The following MGAT4B variants were observed in gnomAD, a reference collection of about 807,000 sequenced individuals.
The protein encoded by MGAT4B is alpha-1,3-mannosyl-glycoprotein 4-beta-N-acetylglucosaminyltransferase B.
A neutral mutation model predicts 73.9 loss-of-function variants in MGAT4B; 38 were observed. The ratio of observed to expected loss-of-function variants is 0.51; its 90% CI spans 0.40 to 0.67. The LOEUF is 0.67. Among genes scored for constraint, MGAT4B ranks in the 30% least tolerant of loss-of-function variants. The probability of loss-of-function intolerance (pLI) is 0.00; values close to 1 mark genes in which losing one functional copy is unlikely to be tolerated. For synonymous variants in MGAT4B, 373 were observed against 313.5 expected (o/e 1.19, Z -2.01); for missense variants, 686 against 735.2 (o/e 0.93, Z 0.77).
rs1267791030 is a variant in MGAT4B, at chr5:179,801,684, T to G, written c.294A>C (p.Arg98=). 1 of 1,608,718 alleles carries G rather than the reference T, an allele frequency of 6.2e-7. No homozygotes were observed. Among genetic ancestry groups the G allele is most frequent in the African/African-American group, 1.3e-5 (1 of 75,024 alleles). ...GGTGTGAGCCGTTCCACGGCTTCAA[T>G]CGGGGGTCCTCTGGGTGGGTCGGGA... ...RTWGRLTEDP[R]LKPWNGSHRH... is the part of the protein sequence containing the mutation. Residue 98 remains arginine, a synonymous_variant, in exon 3 of 15, where the codon CGA becomes CGC. Coordinates refer to ENST00000292591, the MANE Select transcript of MGAT4B (RefSeq NM_014275.5). This position sits in a 1 kb window ranked among gnomAD's most constrained non-coding sequence, Gnocchi z 4.8.
At position 179,801,398 on chromosome 5, in the gene MGAT4B, G is replaced by T; in HGVS notation, c.494C>A (p.Ser165Ter). 6.2e-7 allele frequency: 1 copy of T among 1,612,740 alleles called. No homozygotes were observed. Among genetic ancestry groups the T allele is most frequent in the Non-Finnish European group, 8.5e-7 (1 of 1,179,564 alleles). ...VHSYLTDTLH[S>*]LISELSPQEK... ...CTGCGGGCTCAGCTCGGAGATGAGC[G>T]AGTGCAGAGTGTCAGTCAGGTACGA... The change falls in exon 4 of 15, where the codon TCG becomes TAG. Residue 165 changes from serine to a stop codon, truncating the protein, a stop_gained. Coordinates refer to ENST00000292591, the MANE Select transcript of MGAT4B (RefSeq NM_014275.5). LOFTEE classifies it high-confidence loss of function. This position sits in a 1 kb window ranked among gnomAD's most constrained non-coding sequence, Gnocchi z 4.8.
In MGAT4B at chr5:179,798,499, C is replaced by T; in HGVS notation, c.1422+14G>A. On this transcript the variant is annotated intron_variant, in intron 12 of 14. Transcript: ENST00000292591. The stretch of plus-strand genomic sequence containing the variant: ...AGGCCCGGCTTCAGTGCACACCACA[C>T]CCACCGAACTTACGTCGAAGGGCAG... 1 of 1,613,478 alleles carries T rather than the reference C, an allele frequency of 6.2e-7. No homozygotes were observed. The highest frequency in any genetic ancestry group is 8.5e-7 in the Non-Finnish European group (1 of 1,179,988).
In MGAT4B at chr5:179,806,529, A is replaced by G; in HGVS notation, c.55T>C (p.Phe19Leu). 7.5e-7 allele frequency: 1 copy of G among 1,335,134 alleles called. No individual in the cohort carries two copies. The allele number at this position is 1,335,134 out of a possible 1,614,324, so 82.7% of individuals were successfully genotyped here. ...GCCGCGTACCAGGACAGCGAGAGGAAGGCGCACAGGCAGAAGAGCAGCAGC... is the reference window on the plus strand; with the variant it reads ...GCCGCGTACCAGGACAGCGAGAGGAGGGCGCACAGGCAGAAGAGCAGCAGC... The part of the protein sequence containing the change: ...LTLLLFCLCA[F>L]LSLSWYAALS... Residue 19 changes from phenylalanine to leucine, a missense_variant, in exon 1 of 15, where the codon TTC (phenylalanine) becomes CTC (leucine). Physicochemically the swap from Phe to Leu is conservative, Grantham distance 22 (BLOSUM62 0). Transcript: ENST00000292591. The surrounding 1 kb of genome is among the most constrained non-coding windows in gnomAD (Gnocchi z 4.6).
chr5:179,805,628 CTG>C (rs1255945958), intron 1 of MGAT4B, among the ~76,000 whole-genome samples: 2 of 152,266 alleles, frequency 1.3e-5, no homozygotes, highest in Non-Finnish European at 2.9e-5. Flanking sequence ...CGCAGCCTCT[CTG>C]GGATGGCGCT....
intron 12 of MGAT4B, 30 bp from the exon 13 acceptor site, chr5:179,798,464 T>G (rs1581969681): frequency 6.2e-7 from 1 of 1,612,864 alleles, no homozygotes; most frequent in Non-Finnish European, 8.5e-7. Context: ...CTGAGGCAGG[T>G]GGTCACAGGA....
At chr5:179,802,447 T>TA (rs1756986755) in intron 1 of MGAT4B, 1 of 1,065,948 alleles carries the variant, frequency 9.4e-7, no homozygotes, top group Non-Finnish European at 1.1e-6. Context: ...ACTGGATTCT[T>TA]AGCCTCACGA....
chr5:179,803,214 A>G (rs1757019314), intron 1 of MGAT4B: 1 of 985,276 alleles, frequency 1.0e-6, no homozygotes, highest in Non-Finnish European at 1.2e-6. Context: ...CTCTTACCCA[A>G]GAAGCCAGCC....
intron 8 of MGAT4B, 100 bp downstream of exon 8, chr5:179,799,853 CA>C: frequency 7.6e-7 from 1 of 1,323,132 alleles, no homozygotes; most frequent in Non-Finnish European, 1.1e-6. Context: ...AGGCAGGGCC[CA>C]CCTGGGCAAA....
At chr5:179,800,882 G>GCT in intron 5 of MGAT4B, 25 bp downstream of exon 5, 1 of 1,612,110 alleles carries the variant, frequency 6.2e-7, no homozygotes, top group East Asian at 2.2e-5. Context: ...CCCGCCACCA[G>GCT]CTCTCTGGGG....
chr5:179,800,669 G>T, intron 5 of MGAT4B, 72 bp from the exon 6 acceptor site: 1 of 1,216,876 alleles, frequency 8.2e-7, no homozygotes, highest in Non-Finnish European at 1.2e-6. Context: ...CCAGACTGTG[G>T]CCCTTTCTTG....
Position 179,798,206 on chromosome 5 carries a change from A to T in MGAT4B, c.1582T>A (p.Ser528Thr). 1 of 1,601,536 alleles carries T rather than the reference A, an allele frequency of 6.2e-7. No individual in the cohort carries two copies. Among genetic ancestry groups the T allele is most frequent in the Non-Finnish European group, 8.5e-7 (1 of 1,173,000 alleles). ...AFGPLEALRL[S>T]IQTDSPVWVI... is the part of the protein sequence containing the mutation. Reference sequence around the variant, plus strand: ...CACACAGGGGAGTCCGTCTGGATCGAGAGGCGCAGTGCTTCCAGAGGGCCG... The same window carrying T: ...CACACAGGGGAGTCCGTCTGGATCGTGAGGCGCAGTGCTTCCAGAGGGCCG... The change falls in exon 14 of 15, where the codon TCG becomes ACG. Residue 528 changes from serine (S) to threonine (T), a missense_variant. Around this residue, in one of 2 missense-constraint regions of MGAT4B, gnomAD observed 449 missense variants for 536.8 expected, o/e 0.84. Coordinates refer to ENST00000292591, the MANE Select transcript of MGAT4B (RefSeq NM_014275.5).
At position 179,805,833 on chromosome 5, in the gene MGAT4B, G is replaced by C. The variant is rs563250315; in HGVS notation, c.97+654C>G. On this transcript the variant is annotated intron_variant, in intron 1 of 14. Coordinates refer to ENST00000292591, the MANE Select transcript of MGAT4B (RefSeq NM_014275.5). ...CCAAGACCGGCCAGCGGGGCGGCGC[G>C]GGGGGATCGGCCCGCACCCTCCGCC... Among the ~76,000 whole-genome samples the C allele has an allele frequency of 2.6e-4, 39 of 152,312 alleles. No individual in the cohort carries two copies. The South Asian group carries it at 7.5e-3, about 29-fold the overall frequency.
At chr5:179,805,420 T>G (rs1218645649) in intron 1 of MGAT4B, 1 of 152,544 alleles carries the variant, frequency 6.6e-6, no homozygotes, top group Admixed American at 6.5e-5. Context: ...GCACGGCCTC[T>G]GCCCAGCCAT....
At chr5:179,800,150 G>GGCGGC in intron 7 of MGAT4B, 34 bp downstream of exon 7, 1 of 1,610,972 alleles carries the variant, frequency 6.2e-7, no homozygotes, top group Non-Finnish European at 8.5e-7. Context: ...GGCGGCGCAG[G>GGCGGC]GCAGGGCAGG....
intron 1 of MGAT4B, chr5:179,803,333 G>T: frequency 1.1e-6 from 1 of 939,168 alleles, no homozygotes; most frequent in Non-Finnish European, 1.3e-6. Flanking sequence ...GCTCTGCCAG[G>T]CTCCACGCTG....
intron 1 of MGAT4B, chr5:179,803,711 C>A (rs1757035708): frequency 6.6e-6 from 1 of 152,328 alleles, no homozygotes; most frequent in Admixed American, 6.5e-5. Context: ...CTTACCCTCG[C>A]TTCCTTCCTA....
In MGAT4B at chr5:179,806,395, C is replaced by T. The variant is rs1029687679; in HGVS notation, c.97+92G>A. The T allele has an allele frequency of 1.9e-4, 148 of 780,014 alleles. 1 individual carries two copies. The highest frequency in any genetic ancestry group is 5.6e-5 in the Admixed American group (1 of 17,782). The allele number at this position is 780,014 out of a possible 1,614,324, so 48.3% of individuals were successfully genotyped here. On this transcript the variant is annotated intron_variant, in intron 1 of 14. Transcript: ENST00000292591. This position sits in a 1 kb window ranked among gnomAD's most constrained non-coding sequence, Gnocchi z 4.6. ...GGCGGGGAAGGGGCGCCTGCGTCGG[C>T]TTCCGGCCGCCTTCCGCGGCCACCG...
At position 179,800,090 on chromosome 5, in the gene MGAT4B, G is replaced by C. The variant is rs749271106; in HGVS notation, c.796-22C>G. ...CCAGCTGCGAGGTGAGCAGAGAGGG[G>C]CTGGGGCTGAGGAAGGGCACCCAGA... On this transcript the variant is annotated intron_variant, in intron 7 of 14. Transcript: ENST00000292591. 3.1e-6 allele frequency: 5 copies of C among 1,611,760 alleles called. No homozygotes were observed. The South Asian group carries it at 4.4e-5, about 14-fold the overall frequency.
intron 1 of MGAT4B, among the ~76,000 whole-genome samples, chr5:179,804,610 T>G (rs1317960241): frequency 1.3e-5 from 2 of 152,154 alleles, no homozygotes; most frequent in Non-Finnish European, 2.9e-5. Context: ...GTTTCCAGGA[T>G]GATGCCCACA....
Sources: gnomAD v4.1 joint callset for allele counts (sites outside exome capture counted in the v4.1 genomes callset) on GRCh38, gnomAD v4.1.1 for gene constraint, gnomAD v4.1.1 regional missense constraint, Gnocchi (gnomAD v3.1) non-coding constraint, MANE v1.5 for transcripts, NCBI Gene and HGNC (gene_info 2026-07-23, HGNC 2026-07-21) for gene names.